ANK2: variants seen among roughly 807,000 people sequenced by gnomAD.
The protein encoded by ANK2 is ankyrin 2.
In ANK2, 83 loss-of-function variants were observed where a neutral mutation model predicts 360.5. The observed-to-expected ratio is 0.23, with a 90% CI of 0.19 to 0.28. The LOEUF (loss-of-function observed/expected upper bound fraction) is 0.28, where lower values mean the gene tolerates loss of function less well. Among genes scored for constraint, ANK2 ranks in the 10% least tolerant of loss-of-function variants. The probability of loss-of-function intolerance (pLI) is 1.00; values close to 1 mark genes in which losing one functional copy is unlikely to be tolerated. For synonymous variants in ANK2, 1,740 were observed against 1,759.5 expected (o/e 0.99, Z 0.28); for missense variants, 4,201 against 4,795.7 (o/e 0.88, Z 3.66).
chr4:112,950,285 TGAAG>T (rs536339874), intron 2 of ANK2, among the ~76,000 whole-genome samples: 64 of 152,310 alleles, frequency 4.2e-4, no homozygotes, highest in African/African-American at 1.5e-3. Flanking sequence ...TGTAAATAAA[TGAAG>T]GAACTGATAG....
intron 2 of ANK2, among the ~76,000 whole-genome samples, chr4:113,184,485 G>A (rs2098476519): frequency 6.6e-6 from 1 of 152,116 alleles, no homozygotes; most frequent in South Asian, 2.1e-4. Flanking sequence ...GAGACAAAGA[G>A]AGGAAAGATC....
intron 1 of ANK2, among the ~76,000 whole-genome samples, chr4:113,116,612 G>A (rs1261698143): frequency 1.3e-5 from 2 of 152,214 alleles, no homozygotes; most frequent in African/African-American, 4.8e-5. Context: ...CTTGGAGAAG[G>A]AAAGGGCTGT....
At chr4:113,224,450 G>T (rs2099190407) in intron 4 of ANK2, among the ~76,000 whole-genome samples, 1 of 152,126 alleles carries the variant, frequency 6.6e-6, no homozygotes, top group Non-Finnish European at 1.5e-5. Context: ...TGCTGTATCT[G>T]TTCACCTCCT....
the ANK2 span, among the ~76,000 whole-genome samples, chr4:112,773,681 T>C: frequency 0.023 from 3,563 of 152,314 alleles, 120 homozygotes; most frequent in African/African-American, 0.08. Context: ...CCAAGACAGT[T>C]AGGCTTCATT....
intron 1 of ANK2, among the ~76,000 whole-genome samples, chr4:112,893,995 T>C (rs150715440): frequency 6.6e-6 from 1 of 152,216 alleles, no homozygotes; most frequent in East Asian, 1.9e-4. Flanking sequence ...ACACTCCGTT[T>C]CAAAAAACAA....
chr4:112,953,322 A>C (rs2095145898), intron 2 of ANK2, among the ~76,000 whole-genome samples: 1 of 152,248 alleles, frequency 6.6e-6, no homozygotes, highest in African/African-American at 2.4e-5. Context: ...AATATTGTAA[A>C]AATAATTATT....
chr4:113,207,962 C>T (rs750406008), intron 4 of ANK2, among the ~76,000 whole-genome samples: 10 of 152,098 alleles, frequency 6.6e-5, no homozygotes, highest in Admixed American at 2.0e-4. Flanking sequence ...TGGGCAAATA[C>T]AATCATACAT....
rs536000117 is a variant in ANK2 at position 112,821,094 on chromosome 4, T to C, written c.-40+2830T>C. 5.3e-5 allele frequency among the ~76,000 whole-genome samples: 8 copies of C among 152,182 alleles called. No homozygotes were observed. In the East Asian group the frequency reaches 1.4e-3, roughly 26 times the overall value. On this transcript the variant is annotated intron_variant, in intron 1 of 30. Transcript: ENST00000503271. ...GCCTGGCTAATTTTTTTTGTATTTTTAGTAGAGACGGGGTTTCTCCATGTT... is the reference window on the plus strand; with the variant it reads ...GCCTGGCTAATTTTTTTTGTATTTTCAGTAGAGACGGGGTTTCTCCATGTT...
rs144997235 is a variant in ANK2 at position 113,306,366 on chromosome 4, G to C, written c.2548+3527G>C. On this transcript the variant is annotated intron_variant, in intron 23 of 45. Coordinates refer to ENST00000357077, the MANE Select transcript of ANK2 (RefSeq NM_001148.6). Reference sequence around the variant, plus strand: ...TTGAGATAGGAAAGTACAAGAGAGAGACACAGAGTGGCAGAATCCTCCAGT... The same window carrying C: ...TTGAGATAGGAAAGTACAAGAGAGACACACAGAGTGGCAGAATCCTCCAGT... Among the ~76,000 whole-genome samples, 20 of 152,264 alleles carry C rather than the reference G, an allele frequency of 1.3e-4. No individual in the cohort carries two copies. The East Asian group carries it at 3.9e-3, about 29-fold the overall frequency.
rs745667532 is a variant in ANK2, at chr4:113,107,054, G to T, written c.84+57242G>T. On this transcript the variant is annotated intron_variant, in intron 1 of 45. Transcript: ENST00000357077. Reference sequence around the variant, plus strand: ...ATTCGAAACAAAGCTTTTGTGAGGCGTCCCTTTATTCTGATTAAGGCCTGG... The same window carrying T: ...ATTCGAAACAAAGCTTTTGTGAGGCTTCCCTTTATTCTGATTAAGGCCTGG... The T allele has an allele frequency of 1.0e-5, 4 of 390,208 alleles. No individual in the cohort carries two copies. In the East Asian group the frequency reaches 2.8e-4, roughly 28 times the overall value. 24.2% of individuals were successfully genotyped at this position (390,208 alleles called of 1,614,324 possible).
chr4:113,296,592 C>A (rs567708615), intron 22 of ANK2, among the ~76,000 whole-genome samples: 4 of 152,284 alleles, frequency 2.6e-5, no homozygotes, highest in African/African-American at 9.6e-5. Context: ...AAAGGAAAAA[C>A]CACTTCTGTA....
intron 2 of ANK2, among the ~76,000 whole-genome samples, chr4:112,932,020 C>T (rs1260471371): frequency 6.6e-6 from 1 of 152,136 alleles, no homozygotes; most frequent in East Asian, 1.9e-4. Context: ...CTTTTAAGAA[C>T]TAGCTATTTA....
chr4:112,957,783 T>C (rs1304214363), intron 2 of ANK2, among the ~76,000 whole-genome samples: 3 of 147,992 alleles, frequency 2.0e-5, no homozygotes, highest in African/African-American at 7.7e-5. Context: ...GCGGAGGGGC[T>C]CCTCACTTCT....
intron 2 of ANK2, among the ~76,000 whole-genome samples, chr4:112,989,400 G>A (rs2046003007): frequency 6.6e-6 from 1 of 152,084 alleles, no homozygotes; most frequent in African/African-American, 2.4e-5. Flanking sequence ...CTGATTCATT[G>A]ACTTCTCTTA....
the ANK2 span, among the ~76,000 whole-genome samples, chr4:112,808,483 A>G: frequency 1.3e-5 from 2 of 152,364 alleles, no homozygotes; most frequent in South Asian, 4.1e-4. Flanking sequence ...GATACAATAC[A>G]AAGAAGAAAT....
intron 24 of ANK2, among the ~76,000 whole-genome samples, chr4:113,315,964 T>A (rs1314138169): frequency 6.6e-6 from 1 of 150,404 alleles, no homozygotes; most frequent in Non-Finnish European, 1.5e-5. Context: ...CACATCCAAG[T>A]GGATCTTAGC....
chr4:113,287,770 G>A (rs1302370254), intron 19 of ANK2, 67 bp downstream of exon 19: 37 of 1,354,436 alleles, frequency 2.7e-5, no homozygotes, highest in Non-Finnish European at 3.5e-5. Flanking sequence ...GCCCCCATTC[G>A]GGTCACCCCA....
At chr4:112,879,982 C>G (rs1273854447) in intron 1 of ANK2, among the ~76,000 whole-genome samples, 3 of 152,076 alleles carry the variant, frequency 2.0e-5, no homozygotes, top group East Asian at 3.9e-4. Context: ...AGCTGCACAC[C>G]ATAAAGCAGC....
At chr4:112,852,353 G>T (rs1579715962) in intron 1 of ANK2, among the ~76,000 whole-genome samples, 1 of 152,242 alleles carries the variant, frequency 6.6e-6, no homozygotes, top group East Asian at 1.9e-4. Flanking sequence ...CTCTGAGATT[G>T]TACTTAAAAG....
Sources: allele counts gnomAD v4.1 joint callset (sites outside exome capture counted in the v4.1 genomes callset), GRCh38; gene constraint gnomAD v4.1.1; transcripts MANE v1.5; gene names NCBI Gene and HGNC (gene_info 2026-07-23, HGNC 2026-07-21).